The following CEP112 variants were observed in gnomAD, a reference collection of about 807,000 sequenced individuals.
CEP112 encodes centrosomal protein of 112 kDa.
Under a neutral mutation model 153.0 loss-of-function variants are expected in CEP112, and 127 were observed. The ratio of observed to expected loss-of-function variants is 0.83; its 90% confidence interval spans 0.72 to 0.96. The LOEUF (loss-of-function observed/expected upper bound fraction) is 0.96. Among genes scored for constraint, CEP112 ranks in the 40% least tolerant of loss-of-function variants. The pLI is 0.00. For synonymous variants in CEP112, 358 were observed against 374.4 expected, an observed-to-expected ratio of 0.96 and a Z score of 0.51; for missense variants, 1,089 against 1,101.2, an observed-to-expected ratio of 0.99 and a Z score of 0.16.
chr17:66,062,251 A>C (rs547738705), intron 11 of CEP112, among the ~76,000 whole-genome samples: 3 of 152,246 alleles, frequency 2.0e-5, no homozygotes, highest in Admixed American at 2.0e-4. Context: ...AGGAGAAATA[A>C]ATTATGGTTT....
At chr17:65,750,996 C>T (rs2051813370) in intron 21 of CEP112, 1 of 337,228 alleles carries the variant, frequency 3.0e-6, no homozygotes, top group African/African-American at 2.1e-5. Context: ...GAAATAGACA[C>T]AGCAAAAGTA....
chr17:65,824,632 G>A (rs2056750158), intron 21 of CEP112, among the ~76,000 whole-genome samples: 1 of 152,226 alleles, frequency 6.6e-6, no homozygotes, highest in African/African-American at 2.4e-5. Context: ...ACATCTTTGA[G>A]GAAGAAAGAT....
chr17:65,747,940 T>A (rs1369930825), intron 22 of CEP112, among the ~76,000 whole-genome samples: 3 of 152,360 alleles, frequency 2.0e-5, no homozygotes, highest in African/African-American at 7.2e-5. Context: ...GCATTCATTT[T>A]CTTTTTTTCA....
chr17:65,742,888 A>C lies in CEP112; in HGVS notation c.2607+180T>G, dbSNP rs1198001798. Among the ~76,000 whole-genome samples, 4 of 152,194 alleles carry C rather than the reference A, an allele frequency of 2.6e-5. No individual in the cohort carries two copies. In the East Asian group the frequency reaches 7.7e-4, roughly 29 times the overall value. ...TTTTTATGCTGGCATGCGATCTCTT[A>C]GAGGGAAGTCAGCCTGAGTCACTGG... On this transcript the variant is annotated intron_variant, in intron 23 of 26. Transcript: ENST00000535342.
At chr17:65,894,776 C>A (rs973964569) in intron 20 of CEP112, among the ~76,000 whole-genome samples, 7 of 152,146 alleles carry the variant, frequency 4.6e-5, no homozygotes, top group African/African-American at 1.4e-4. Flanking sequence ...CAAAAGTGAA[C>A]CCATTTCAAA....
At chr17:65,804,959 C>T (rs1432956316) in intron 21 of CEP112, among the ~76,000 whole-genome samples, 2 of 151,872 alleles carry the variant, frequency 1.3e-5, no homozygotes, top group African/African-American at 4.8e-5. Flanking sequence ...AGCAATCCTC[C>T]CACCTCAGCC....
At chr17:66,035,197 G>A (rs117338267) in intron 12 of CEP112, among the ~76,000 whole-genome samples, 27 of 151,668 alleles carry the variant, frequency 1.8e-4, no homozygotes, top group Non-Finnish European at 3.8e-4. Flanking sequence ...TATCAGATCT[G>A]AAAGGAAGAG....
At chr17:66,126,144 C>A (rs1252320190) in intron 6 of CEP112, among the ~76,000 whole-genome samples, 1 of 152,128 alleles carries the variant, frequency 6.6e-6, no homozygotes, top group Non-Finnish European at 1.5e-5. Flanking sequence ...CCTCACTTAT[C>A]AAAGAAAATT....
At chr17:66,014,827 G>A (rs1307203886) in intron 16 of CEP112, among the ~76,000 whole-genome samples, 1 of 152,154 alleles carries the variant, frequency 6.6e-6, no homozygotes, top group Non-Finnish European at 1.5e-5. Context: ...TCTGAAGATC[G>A]ACTTGGAATG....
intron 17 of CEP112, among the ~76,000 whole-genome samples, chr17:65,964,918 G>A (rs2062353934): frequency 6.6e-6 from 1 of 152,020 alleles, no homozygotes; most frequent in South Asian, 2.1e-4. Context: ...AACATGATTT[G>A]AAAACTTTAA....
chr17:66,164,502 A>C (rs1220361651), intron 4 of CEP112, among the ~76,000 whole-genome samples: 1 of 145,100 alleles, frequency 6.9e-6, no homozygotes, highest in Non-Finnish European at 1.5e-5. Context: ...GGTTGCAGTG[A>C]GGGGAGATCG....
chr17:65,898,062 T>C (rs766936900), intron 20 of CEP112, among the ~76,000 whole-genome samples: 1 of 152,136 alleles, frequency 6.6e-6, no homozygotes, highest in Non-Finnish European at 1.5e-5. Context: ...GATTTTCTAA[T>C]GTGGTGAATA....
At chr17:66,098,468 G>T (rs993666540) in intron 6 of CEP112, among the ~76,000 whole-genome samples, 8 of 152,144 alleles carry the variant, frequency 5.3e-5, no homozygotes, top group Non-Finnish European at 8.8e-5. Flanking sequence ...AATAACTCTT[G>T]AAAATGAACA....
intron 6 of CEP112, among the ~76,000 whole-genome samples, chr17:66,105,178 CTT>C (rs1201602852): frequency 1.3e-5 from 2 of 152,112 alleles, no homozygotes; most frequent in African/African-American, 2.4e-5. Flanking sequence ...TTAGTTTTCT[CTT>C]TGCTTGTTTA....
At chr17:66,166,879 G>A (rs535232289) in intron 4 of CEP112, among the ~76,000 whole-genome samples, 100 of 146,700 alleles carry the variant, frequency 6.8e-4, no homozygotes, top group African/African-American at 2.0e-3. Context: ...ACTCCAGCCT[G>A]GGTGACAGAG....
At chr17:65,916,287 G>GTGTGTGTGTGTATGTATGTA (rs138734881) in intron 19 of CEP112, among the ~76,000 whole-genome samples, 1 of 147,494 alleles carries the variant, frequency 6.8e-6, no homozygotes, top group South Asian at 2.2e-4. Context: ...GTGTGTGTGT[G>GTGTGTGTGTGTATGTATGTA]TGTGTATGTG....
intron 17 of CEP112, among the ~76,000 whole-genome samples, chr17:65,991,692 C>CG (rs1301694859): frequency 6.6e-6 from 1 of 152,092 alleles, no homozygotes; most frequent in Non-Finnish European, 1.5e-5. Flanking sequence ...TTTGTGTTTA[C>CG]TATTCAAGTT....
At chr17:65,694,639 G>A (rs1299531543) in intron 23 of CEP112, among the ~76,000 whole-genome samples, 1 of 152,140 alleles carries the variant, frequency 6.6e-6, no homozygotes, top group Non-Finnish European at 1.5e-5. Flanking sequence ...AAAATGTACG[G>A]CATGAAAGGA....
chr17:65,847,271 C>T (rs887704928), intron 21 of CEP112, among the ~76,000 whole-genome samples: 4 of 152,204 alleles, frequency 2.6e-5, no homozygotes, highest in South Asian at 4.1e-4. Context: ...TGTGTTCTCA[C>T]TTCAATCCAG....
Sources: allele counts gnomAD v4.1 joint callset (sites outside exome capture counted in the v4.1 genomes callset), GRCh38; gene constraint gnomAD v4.1.1; transcripts MANE v1.5; gene names NCBI Gene and HGNC (gene_info 2026-07-23, HGNC 2026-07-21).